The following TRIP4 variants were observed in gnomAD, a reference collection of about 807,000 sequenced individuals.
TRIP4 encodes activating signal cointegrator 1.
TRIP4 carries 54 observed loss-of-function variants against 81.8 expected under a neutral mutation model. The ratio of observed to expected loss-of-function variants is 0.66; its 90% CI spans 0.53 to 0.83. The LOEUF (loss-of-function observed/expected upper bound fraction) is 0.83, where lower values mean the gene tolerates loss of function less well. Among genes scored for constraint, TRIP4 ranks in the 40% least tolerant of loss-of-function variants. TRIP4 has a pLI of 0.00. For missense variants in TRIP4, 662 were observed against 683.6 expected (o/e 0.97, Z 0.35); for synonymous variants, 270 against 242.8 (o/e 1.11, Z -1.04).
At chr15:64,418,269 G>A (rs936331231) in intron 8 of TRIP4, among the ~76,000 whole-genome samples, 4 of 152,150 alleles carry the variant, frequency 2.6e-5, no homozygotes, top group African/African-American at 4.8e-5. Flanking sequence ...CTGCCACCAC[G>A]CCCAGCTAAT....
chr15:64,444,427 T>C (rs1293178786), intron 11 of TRIP4, among the ~76,000 whole-genome samples: 1 of 152,236 alleles, frequency 6.6e-6, no homozygotes, highest in Non-Finnish European at 1.5e-5. Flanking sequence ...GGTTTCTAAA[T>C]AATTTTCAGA....
intron 1 of TRIP4, among the ~76,000 whole-genome samples, chr15:64,389,167 A>G (rs1430960453): frequency 1.3e-5 from 2 of 152,226 alleles, no homozygotes; most frequent in South Asian, 2.1e-4. Context: ...GAAAACTACA[A>G]AAATGGGACT....
At position 64,406,485 on chromosome 15, in the gene TRIP4, G is replaced by C. The variant is rs1449041777; in HGVS notation, c.827+26G>C. 6 of 1,607,346 alleles carry C rather than the reference G, an allele frequency of 3.7e-6. No homozygotes were observed. The Admixed American group carries it at 6.8e-5, about 18-fold the overall frequency. On this transcript the variant is annotated intron_variant, in intron 6 of 12. Transcript: ENST00000261884. The stretch of plus-strand genomic sequence containing the variant: ...GTATGAAAGGGTTAGAATAACAAAT[G>C]CTAAGAAATAAACTAGTCCACAGAT...
chr15:64,451,648 G>T (rs1334677680), intron 12 of TRIP4, among the ~76,000 whole-genome samples: 1 of 150,112 alleles, frequency 6.7e-6, no homozygotes, highest in Non-Finnish European at 1.5e-5. Flanking sequence ...ATTTTTTATT[G>T]CTTTTATTTT....
intron 11 of TRIP4, among the ~76,000 whole-genome samples, chr15:64,439,512 CTTTTTTTTTTTTTTTT>C (rs71895300): frequency 2.1e-5 from 1 of 47,880 alleles, no homozygotes; most frequent in African/African-American, 1.0e-4. Context: ...ACTTATAAAT[CTTTTTTTTTTTTTTTT>C]TTTTTTTTTT....
Position 64,424,175 on chromosome 15 carries a change from C to T in TRIP4, c.1483+20C>T, listed in dbSNP as rs1325381341. 1 of 1,613,700 alleles carries T rather than the reference C, an allele frequency of 6.2e-7. No homozygotes were observed. Among genetic ancestry groups the T allele is most frequent in the Admixed American group, 1.7e-5 (1 of 59,890 alleles). On this transcript the variant is annotated intron_variant, in intron 10 of 12. Transcript: ENST00000261884. ...GGAAAGGTAACAGCCGCATATTCTC[C>T]TTTCAATTTTACTTTATGGAGAGAA...
chr15:64,440,751 C>A (rs996002455), intron 11 of TRIP4, among the ~76,000 whole-genome samples: 1 of 152,024 alleles, frequency 6.6e-6, no homozygotes, highest in Non-Finnish European at 1.5e-5. Context: ...TTTAATTTGT[C>A]CACCATTTTT....
rs58166289 is a variant in TRIP4 at position 64,423,461 on chromosome 15, CAAAAAAAAAA to C, written c.1359-553_1359-544del. 2.4e-4 allele frequency among the ~76,000 whole-genome samples: 17 copies of C among 71,120 alleles called. No individual in the cohort carries two copies. The East Asian group carries it at 2.7e-3, about 11-fold the overall frequency. The allele number at this position is 71,120 out of a possible 152,430, so 46.7% of individuals were successfully genotyped here. ...CTGGCAACAGAGCGAGACTCCGTCT[CAAAAAAAAAA>C]AAAAAAAAAAAAAAAAGCAAATGGG... On this transcript the variant is annotated intron_variant, in intron 9 of 12. Coordinates refer to ENST00000261884, the MANE Select transcript of TRIP4 (RefSeq NM_016213.5).
Position 64,397,703 on chromosome 15 carries a change from G to C in TRIP4, c.503G>C (p.Arg168Pro), listed in dbSNP as rs747018473. Residue 168 changes from arginine to proline, a missense_variant, in exon 4 of 13, where the codon CGT (arginine) becomes CCT (proline). Transcript: ENST00000261884. ...QDRLAVLLPG[R>P]HPCDCLGQKH... ...AGGCTTGCAGTCCTGCTCCCTGGTC[G>C]TCACCCTTGTGATTGCCTGGGCCAG... 4 of 1,614,086 alleles carry C rather than the reference G, an allele frequency of 2.5e-6. No individual in the cohort carries two copies. The highest frequency in any genetic ancestry group is 2.5e-6 in the Non-Finnish European group (3 of 1,180,040).
intron 11 of TRIP4, among the ~76,000 whole-genome samples, chr15:64,432,391 A>C (rs1892297606): frequency 6.6e-6 from 1 of 151,790 alleles, no homozygotes; most frequent in Admixed American, 6.6e-5. Context: ...ATGCAGGCGG[A>C]TCACTCAAGG....
chr15:64,414,050 A>T, intron 7 of TRIP4, 35 bp from the exon 8 acceptor site: 1 of 1,610,218 alleles, frequency 6.2e-7, no homozygotes, highest in African/African-American at 1.3e-5. Context: ...ATAGAACATT[A>T]CCAATTGTTG....
chr15:64,445,270 A>ATTTTC (rs906969678), intron 12 of TRIP4, 162 bp downstream of exon 12: 9 of 422,948 alleles, frequency 2.1e-5, no homozygotes, highest in Middle Eastern at 6.1e-4. Context: ...TGATGGTCTA[A>ATTTTC]TTTTCTTTTC....
chr15:64,427,191 A>G lies in TRIP4; in HGVS notation c.1575+1560A>G, dbSNP rs77256981. On this transcript the variant is annotated intron_variant, in intron 11 of 12. Coordinates refer to ENST00000261884, the MANE Select transcript of TRIP4 (RefSeq NM_016213.5). The stretch of plus-strand genomic sequence containing the variant: ...AGCACAAACAGTCTTACCTATCAGT[A>G]TGGTTTTCCTGTTCTTTGAACAGTT... 7.0e-3 allele frequency among the ~76,000 whole-genome samples: 1,070 copies of G among 152,262 alleles called. 15 individuals are homozygous for G. The highest frequency in any genetic ancestry group is 0.024 in the African/African-American group (1,017 of 41,564).
intron 11 of TRIP4, among the ~76,000 whole-genome samples, chr15:64,437,764 G>A (rs1170747415): frequency 1.3e-5 from 2 of 152,118 alleles, no homozygotes; most frequent in South Asian, 2.1e-4. Context: ...TAAGTGCTGG[G>A]ATTACCGGCC....
chr15:64,390,022 T>C (rs1452032932), intron 1 of TRIP4, among the ~76,000 whole-genome samples: 2 of 148,274 alleles, frequency 1.3e-5, no homozygotes, highest in Non-Finnish European at 3.0e-5. Flanking sequence ...ATATTTATTG[T>C]AAATATGTGT....
chr15:64,414,181 A>T lies in TRIP4; in HGVS notation c.1140A>T (p.Val380=). Residue 380 remains valine, a synonymous_variant, in exon 8 of 13, where the codon GTA becomes GTT. Transcript: ENST00000261884. ...CTGAAGAGCCTTTGGGAGTTCTGGT[A>T]AATCCCAACATGTACCAGTCCCCTC... ...RSSEEPLGVL[V]NPNMYQSPPQ... is the part of the protein sequence containing the mutation. 1.2e-6 allele frequency: 2 copies of T among 1,614,132 alleles called. No individual in the cohort carries two copies. Among genetic ancestry groups the T allele is most frequent in the Non-Finnish European group, 1.7e-6 (2 of 1,180,008 alleles).
chr15:64,421,461 G>A (rs894480756), intron 9 of TRIP4, among the ~76,000 whole-genome samples: 10 of 150,612 alleles, frequency 6.6e-5, no homozygotes, highest in South Asian at 2.1e-4. Context: ...TCAGCCTCTC[G>A]AGTAGCTGGG....
At chr15:64,427,676 TACTG>T (rs1388806296) in intron 11 of TRIP4, among the ~76,000 whole-genome samples, 1 of 152,226 alleles carries the variant, frequency 6.6e-6, no homozygotes, top group African/African-American at 2.4e-5. Flanking sequence ...GTGGCCAGCC[TACTG>T]ACTGATTTTA....
chr15:64,454,132 T>TG (rs1892832485), intron 12 of TRIP4, among the ~76,000 whole-genome samples: 1 of 151,858 alleles, frequency 6.6e-6, no homozygotes, highest in Non-Finnish European at 1.5e-5. Context: ...TTTTTTGTTT[T>TG]CTTTTTTTTT....
Sources: gnomAD v4.1 joint callset for allele counts (sites outside exome capture counted in the v4.1 genomes callset) on GRCh38, gnomAD v4.1.1 for gene constraint, MANE v1.5 for transcripts, NCBI Gene and HGNC (gene_info 2026-07-23, HGNC 2026-07-21) for gene names.